Variants in NRG3 observed in about 807,000 individuals in gnomAD.
NRG3 encodes the protein neuregulin 3.
In NRG3, 31 loss-of-function variants were observed where a neutral mutation model predicts 66.9. The ratio of observed to expected loss-of-function variants is 0.46; its 90% confidence interval spans 0.35 to 0.63. The LOEUF (loss-of-function observed/expected upper bound fraction) is 0.63. Ranked by LOEUF, NRG3 falls within the 20% of genes least tolerant of loss-of-function variation. NRG3 has a pLI of 0.00. For synonymous variants in NRG3, 393 were observed against 359.4 expected, an observed-to-expected ratio of 1.09 and a Z score of -1.06; for missense variants, 910 against 878.9, an observed-to-expected ratio of 1.04 and a Z score of -0.45.
chr10:81,875,422 G>T lies in NRG3; in HGVS notation c.82G>T (p.Ala28Ser), dbSNP rs1841529410. ...AASAEEGTAA[A>S]AAAAAAGGGP... ...CTCGGCCGAGGAGGGCACCGCGGCG[G>T]CTGCGGCGGCGGCAGCGGCGGGCGG... is the stretch of plus-strand genomic sequence containing the variant. Residue 28 changes from alanine to serine, a missense_variant, in exon 1 of 9, where the codon GCT (alanine) becomes TCT (serine). Physicochemically the swap from Ala to Ser is moderately conservative, Grantham distance 99. Coordinates refer to ENST00000372141, the MANE Select transcript of NRG3 (RefSeq NM_001010848.4). The surrounding 1 kb of genome is among the most constrained non-coding windows in gnomAD (Gnocchi z 5.3). 1.8e-6 allele frequency: 2 copies of T among 1,082,494 alleles called. No homozygotes were observed. The highest frequency in any genetic ancestry group is 4.3e-5 in the South Asian group (1 of 23,090). The allele number at this position is 1,082,494 out of a possible 1,614,324, so 67.1% of individuals were successfully genotyped here.
chr10:82,846,564 A>G (rs1195814459), intron 3 of NRG3, among the ~76,000 whole-genome samples: 1 of 152,220 alleles, frequency 6.6e-6, no homozygotes, highest in Admixed American at 6.5e-5. Context: ...AGGACTGCCA[A>G]AAATTCAAAG....
chr10:82,670,448 T>G (rs988646457), intron 2 of NRG3, among the ~76,000 whole-genome samples: 11 of 152,226 alleles, frequency 7.2e-5, no homozygotes, highest in Non-Finnish European at 1.3e-4. Flanking sequence ...ACGCTTATTA[T>G]TCAGTCCTAT....
chr10:82,406,844 A>C (rs1238581238), intron 2 of NRG3, among the ~76,000 whole-genome samples: 1 of 152,110 alleles, frequency 6.6e-6, no homozygotes, highest in Non-Finnish European at 1.5e-5. Context: ...CAAAGACAAA[A>C]TTGAATTATT....
At chr10:82,029,987 C>T (rs1406694266) in intron 1 of NRG3, among the ~76,000 whole-genome samples, 2 of 152,074 alleles carry the variant, frequency 1.3e-5, no homozygotes, top group African/African-American at 4.8e-5. Context: ...TAACAAATGT[C>T]CCCTTTGACA....
intron 1 of NRG3, among the ~76,000 whole-genome samples, chr10:81,879,106 G>A (rs1282593046): frequency 2.6e-5 from 4 of 152,128 alleles, no homozygotes; most frequent in Non-Finnish European, 4.4e-5. Context: ...TTCTCTTCCC[G>A]TCCTCCACCG....
chr10:82,020,828 C>T (rs764841562), intron 1 of NRG3, among the ~76,000 whole-genome samples: 8 of 152,026 alleles, frequency 5.3e-5, no homozygotes, highest in East Asian at 1.9e-4. Flanking sequence ...ACTTCCAATC[C>T]GGTTGCAGCA....
chr10:81,915,693 C>T (rs1845637982), intron 1 of NRG3, among the ~76,000 whole-genome samples: 1 of 152,034 alleles, frequency 6.6e-6, no homozygotes, highest in South Asian at 2.1e-4. Context: ...ATGTGGAGGA[C>T]ACCTGGAGTT....
At chr10:82,672,914 T>A (rs2134052828) in intron 2 of NRG3, among the ~76,000 whole-genome samples, 1 of 152,264 alleles carries the variant, frequency 6.6e-6, no homozygotes, top group South Asian at 2.1e-4. Context: ...CACACCCGGC[T>A]AATTTTTTGT....
At position 81,911,603 on chromosome 10, in the gene NRG3, G is replaced by GGT. The variant is rs1306854861; in HGVS notation, c.823+35440_823+35441insGT. On this transcript the variant is annotated intron_variant, in intron 1 of 8. Coordinates refer to ENST00000372141, the MANE Select transcript of NRG3 (RefSeq NM_001010848.4). ...TGTCTTCACCCTCTAGCACAGACTT[G>GGT]TTTTTTTTTTTTTTTTTTTTTTTTT... Among the ~76,000 whole-genome samples the GGT allele has an allele frequency of 1.9e-3, 145 of 77,952 alleles. 4 individuals are homozygous for GGT. The highest frequency in any genetic ancestry group is 5.3e-3 in the East Asian group (12 of 2,266). The allele number at this position is 77,952 out of a possible 152,430, so 51.1% of individuals were successfully genotyped here. A position where few individuals can be genotyped will look rare whatever the true frequency, so the allele number is the denominator to read the frequency against.
intron 1 of NRG3, among the ~76,000 whole-genome samples, chr10:82,293,224 A>T (rs1304551202): frequency 1.3e-5 from 2 of 152,136 alleles, no homozygotes; most frequent in Admixed American, 6.6e-5. Flanking sequence ...TGTTAAGTCA[A>T]GAAGATCTGT....
chr10:82,683,664 T>C (rs1325343971), intron 2 of NRG3, among the ~76,000 whole-genome samples: 1 of 152,188 alleles, frequency 6.6e-6, no homozygotes, highest in African/African-American at 2.4e-5. Flanking sequence ...AGAATTCCAC[T>C]TACCTTATAG....
intron 4 of NRG3, among the ~76,000 whole-genome samples, chr10:82,924,413 T>C (rs898055775): frequency 1.3e-5 from 2 of 151,990 alleles, no homozygotes; most frequent in African/African-American, 4.8e-5. Context: ...GGCTCATCAG[T>C]TTGTGCGGTG....
chr10:82,987,080 A>G lies in NRG3; in HGVS notation c.*1475A>G, dbSNP rs1266143124. 6.6e-6 allele frequency: 1 copy of G among 152,206 alleles called. No homozygotes were observed. Among genetic ancestry groups the G allele is most frequent in the Non-Finnish European group, 1.5e-5 (1 of 68,034 alleles). The allele number at this position is 152,206 out of a possible 1,614,324, so 9.4% of individuals were successfully genotyped here. On this transcript the variant is annotated 3_prime_UTR_variant, in exon 9 of 9. Coordinates refer to ENST00000372141, the MANE Select transcript of NRG3 (RefSeq NM_001010848.4). ...CCTCACTTTCATGGGACATATGAGG[A>G]AATTAGTGTTCACATATCCAGTCTT...
intron 1 of NRG3, among the ~76,000 whole-genome samples, chr10:82,090,879 G>T (rs1010999791): frequency 3.9e-5 from 6 of 152,152 alleles, no homozygotes; most frequent in African/African-American, 1.4e-4. Flanking sequence ...TACATTATGT[G>T]TTGTGTTAGA....
rs535113783 is a variant in NRG3, at chr10:82,605,715, G to A, written c.954-132862G>A. Among the ~76,000 whole-genome samples the A allele has an allele frequency of 1.1e-3, 168 of 152,090 alleles. 2 individuals carry two copies. The highest frequency in any genetic ancestry group is 9.8e-3 in the Admixed American group (149 of 15,238). On this transcript the variant is annotated intron_variant, in intron 2 of 8. Transcript: ENST00000372141. The stretch of plus-strand genomic sequence containing the variant: ...ATTGCTTCCTTAAATGTTTAGTAAA[G>A]TTCACCAGTGAATCCATCTGAGCTG...
At chr10:82,682,914 A>G (rs2054211771) in intron 2 of NRG3, among the ~76,000 whole-genome samples, 1 of 150,196 alleles carries the variant, frequency 6.7e-6, no homozygotes, top group Non-Finnish European at 1.5e-5. Flanking sequence ...CCCTCTCCCA[A>G]ACAGATTTGT....
intron 3 of NRG3, among the ~76,000 whole-genome samples, chr10:82,863,666 AG>A (rs1389898401): frequency 6.6e-6 from 1 of 152,112 alleles, no homozygotes; most frequent in African/African-American, 2.4e-5. Context: ...TCTTTTGAGA[AG>A]TCTATTTATA....
At chr10:82,849,234 A>G (rs1282426268) in intron 3 of NRG3, among the ~76,000 whole-genome samples, 1 of 152,186 alleles carries the variant, frequency 6.6e-6, no homozygotes, top group East Asian at 1.9e-4. Flanking sequence ...AAGCCAAGAA[A>G]CAGCAAAGAT....
chr10:82,878,039 G>A (rs1418627640), intron 4 of NRG3, among the ~76,000 whole-genome samples: 2 of 152,116 alleles, frequency 1.3e-5, no homozygotes, highest in Non-Finnish European at 2.9e-5. Flanking sequence ...GGGAGACAGA[G>A]GAAGGAGCAC....
Sources: gnomAD v4.1 joint callset for allele counts (sites outside exome capture counted in the v4.1 genomes callset) on GRCh38, gnomAD v4.1.1 for gene constraint, Gnocchi (gnomAD v3.1) non-coding constraint, MANE v1.5 for transcripts, NCBI Gene and HGNC (gene_info 2026-07-23, HGNC 2026-07-21) for gene names.